Variants in RSF1 observed in about 807,000 individuals in gnomAD.
The protein encoded by RSF1 is HBV pX-associated protein 8.
RSF1 carries 13 observed loss-of-function variants against 145.2 expected under a neutral mutation model. The observed-to-expected ratio is 0.09, with a 90% CI of 0.06 to 0.14. The LOEUF (loss-of-function observed/expected upper bound fraction) is 0.14. Among genes scored for constraint, RSF1 ranks in the 10% least tolerant of loss-of-function variants. RSF1 has a pLI of 1.00. For synonymous variants in RSF1, 577 were observed against 592.6 expected (o/e 0.97, Z 0.38); for missense variants, 1,517 against 1,718.2 (o/e 0.88, Z 2.07).
the RSF1 span, among the ~76,000 whole-genome samples, chr11:77,871,658 G>A: frequency 1.3e-5 from 2 of 152,282 alleles, no homozygotes; most frequent in Non-Finnish European, 1.5e-5. Context: ...AATTGGGGCT[G>A]GGAGACTTTA....
At chr11:77,700,502 G>A (rs1179053791) in intron 6 of RSF1, among the ~76,000 whole-genome samples, 1 of 151,978 alleles carries the variant, frequency 6.6e-6, no homozygotes, top group African/African-American at 2.4e-5. Flanking sequence ...TAGTTTACAA[G>A]GAGAATATAT....
intron 6 of RSF1, 29 bp from the exon 7 acceptor site, chr11:77,698,722 A>C (rs763668045): frequency 6.4e-7 from 1 of 1,572,060 alleles, no homozygotes. Flanking sequence ...AATTGGGATA[A>C]TTTGATATAA....
At chr11:77,845,681 C>T in the RSF1 span, among the ~76,000 whole-genome samples, 58 of 152,222 alleles carry the variant, frequency 3.8e-4, no homozygotes, top group African/African-American at 1.4e-3. Context: ...CCACCCACCT[C>T]GGCCTCCCAA....
At chr11:77,768,560 T>A (rs1948250471) in intron 1 of RSF1, among the ~76,000 whole-genome samples, 1 of 152,216 alleles carries the variant, frequency 6.6e-6, no homozygotes, top group Non-Finnish European at 1.5e-5. Flanking sequence ...TGACAGCACA[T>A]CTCAATTCAA....
chr11:77,677,378 A>G (rs1959736578), intron 12 of RSF1, among the ~76,000 whole-genome samples: 1 of 152,238 alleles, frequency 6.6e-6, no homozygotes, highest in Non-Finnish European at 1.5e-5. Flanking sequence ...CATACCTATG[A>G]GCAGTCACTC....
intron 7 of RSF1, 110 bp downstream of exon 7, chr11:77,698,377 G>T (rs2135849630): frequency 2.3e-6 from 2 of 874,932 alleles, no homozygotes; most frequent in East Asian, 2.4e-5. Context: ...TAGCATACAA[G>T]TTATCATTAA....
chr11:77,771,260 C>T (rs1277391181), intron 1 of RSF1, among the ~76,000 whole-genome samples: 14 of 152,178 alleles, frequency 9.2e-5, no homozygotes, highest in Non-Finnish European at 1.9e-4. Context: ...CACCTAGATG[C>T]ACCACTTGTC....
At chr11:77,705,780 C>T (rs1960533961) in intron 5 of RSF1, among the ~76,000 whole-genome samples, 1 of 151,654 alleles carries the variant, frequency 6.6e-6, no homozygotes, top group South Asian at 2.1e-4. Context: ...TTGCTTGAGC[C>T]CAGGAAGTCA....
the RSF1 span, among the ~76,000 whole-genome samples, chr11:77,855,722 T>TC: frequency 3.9e-4 from 57 of 146,646 alleles, no homozygotes; most frequent in African/African-American, 1.4e-3. Flanking sequence ...TTTTATGTCT[T>TC]TTTTTTTTTT....
intron 1 of RSF1, among the ~76,000 whole-genome samples, chr11:77,796,091 TTC>T (rs955116263): frequency 1.7e-4 from 26 of 152,154 alleles, no homozygotes; most frequent in African/African-American, 6.0e-4. Flanking sequence ...TATTTGATTC[TTC>T]TCTCTTTTCT....
intron 1 of RSF1, among the ~76,000 whole-genome samples, chr11:77,765,045 G>A (rs1321920986): frequency 2.0e-5 from 3 of 152,054 alleles, no homozygotes; most frequent in Non-Finnish European, 4.4e-5. Flanking sequence ...GAAGTTGTAT[G>A]AGTATGGGGA....
chr11:77,752,433 C>T (rs1452691865), intron 2 of RSF1, among the ~76,000 whole-genome samples: 2 of 152,294 alleles, frequency 1.3e-5, no homozygotes, highest in South Asian at 2.1e-4. Flanking sequence ...CCTATGCGAA[C>T]GGCACACCTA....
chr11:77,813,016 C>A (rs758467441), intron 1 of RSF1, among the ~76,000 whole-genome samples: 37 of 151,862 alleles, frequency 2.4e-4, no homozygotes, highest in Admixed American at 1.4e-3. Context: ...AATTCTTGCT[C>A]TTTGTCCAGC....
chr11:77,765,898 C>T (rs1413265772), intron 1 of RSF1, among the ~76,000 whole-genome samples: 1 of 152,112 alleles, frequency 6.6e-6, no homozygotes, highest in African/African-American at 2.4e-5. Context: ...CAGGTGCCCA[C>T]CACTACTCCC....
rs147942596 is a variant in RSF1 at position 77,689,018 on chromosome 11, C to T, written c.2900+2141G>A. On this transcript the variant is annotated intron_variant, in intron 9 of 15. Transcript: ENST00000308488. Reference sequence around the variant, plus strand: ...CTTAAGGCAAGCTAAATTTGGAGGGCGAGACTATGAGTCAGGGGATATAAG... The same window carrying T: ...CTTAAGGCAAGCTAAATTTGGAGGGTGAGACTATGAGTCAGGGGATATAAG... Among the ~76,000 whole-genome samples, 26 of 152,158 alleles carry T rather than the reference C, an allele frequency of 1.7e-4. No homozygotes were observed. In the East Asian group the frequency reaches 5.0e-3, roughly 29 times the overall value.
At chr11:77,784,723 C>T (rs1948437548) in intron 1 of RSF1, among the ~76,000 whole-genome samples, 1 of 152,150 alleles carries the variant, frequency 6.6e-6, no homozygotes, top group African/African-American at 2.4e-5. Context: ...AGGTTTACTA[C>T]AATGAATCAA....
Position 77,660,177 on chromosome 11 carries a change from A to G in RSF1, c.*6740T>C, listed in dbSNP as rs1317068080. 6.6e-6 allele frequency: 1 copy of G among 152,206 alleles called. No individual in the cohort carries two copies. The highest frequency in any genetic ancestry group is 1.5e-5 in the Non-Finnish European group (1 of 68,024). 9.4% of individuals were successfully genotyped at this position (152,206 alleles called of 1,614,324 possible). On this transcript the variant is annotated 3_prime_UTR_variant, in exon 16 of 16. Coordinates refer to ENST00000308488, the MANE Select transcript of RSF1 (RefSeq NM_016578.4). ...AGAGTTCTGATCAGACTGTAGTGAG[A>G]CACTGAACATTTCATTAACAAAAAT...
chr11:77,746,630 A>T (rs915689377), intron 3 of RSF1, among the ~76,000 whole-genome samples: 2 of 152,186 alleles, frequency 1.3e-5, no homozygotes, highest in Non-Finnish European at 2.9e-5. Flanking sequence ...GACCCATTTA[A>T]ATCAAGTTGG....
chr11:77,820,269 T>G (rs532041606), intron 1 of RSF1, among the ~76,000 whole-genome samples: 1 of 152,150 alleles, frequency 6.6e-6, no homozygotes, highest in African/African-American at 2.4e-5. Flanking sequence ...CCTCCCCGCC[T>G]CCAGCCCACA....
Sources: gnomAD v4.1 joint callset for allele counts (sites outside exome capture counted in the v4.1 genomes callset) on GRCh38, gnomAD v4.1.1 for gene constraint, MANE v1.5 for transcripts, NCBI Gene and HGNC (gene_info 2026-07-23, HGNC 2026-07-21) for gene names.